COL11A1: variants seen among roughly 807,000 people sequenced by gnomAD.
COL11A1 encodes the protein collagen type XI alpha 1 chain.
A neutral mutation model predicts 265.2 loss-of-function variants in COL11A1; 74 were observed. That is an observed-to-expected ratio of 0.28 (90% confidence interval 0.23 to 0.34). COL11A1 has a LOEUF of 0.34. Ranked by LOEUF, COL11A1 falls within the 10% of genes least tolerant of loss-of-function variation. The pLI is 1.00. For synonymous variants in COL11A1, 816 were observed against 727.6 expected (o/e 1.12, Z -1.96); for missense variants, 2,165 against 2,263.6 (o/e 0.96, Z 0.88).
chr1:102,905,531 A>T (rs1653876306), intron 54 of COL11A1, among the ~76,000 whole-genome samples: 1 of 146,936 alleles, frequency 6.8e-6, no homozygotes, highest in Non-Finnish European at 1.5e-5. Flanking sequence ...AAAAAAAAAA[A>T]GTGCTGGGAT....
At chr1:103,069,677 A>T (rs911105170) in intron 4 of COL11A1, among the ~76,000 whole-genome samples, 1 of 151,986 alleles carries the variant, frequency 6.6e-6, no homozygotes, top group Admixed American at 6.6e-5. Context: ...TATGCAGGAT[A>T]AAGTTTTATA....
At chr1:102,940,075 C>G (rs2101299634) in intron 43 of COL11A1, among the ~76,000 whole-genome samples, 1 of 152,208 alleles carries the variant, frequency 6.6e-6, no homozygotes, top group East Asian at 1.9e-4. Context: ...ATTTTGGCAT[C>G]TACTAGTTTT....
intron 38 of COL11A1, 88 bp downstream of exon 38, chr1:102,965,399 T>A: frequency 8.2e-7 from 1 of 1,217,856 alleles, no homozygotes; most frequent in Admixed American, 1.8e-5. Flanking sequence ...TGAATCATAA[T>A]AAATTTAGAA....
chr1:102,931,838 A>G (rs1657486684), intron 46 of COL11A1, among the ~76,000 whole-genome samples: 1 of 151,268 alleles, frequency 6.6e-6, no homozygotes, highest in Admixed American at 6.6e-5. Context: ...TCCCTTTAGC[A>G]TTATGTAATG....
chr1:102,962,532 A>T, intron 39 of COL11A1, 121 bp downstream of exon 39: 1 of 915,884 alleles, frequency 1.1e-6, no homozygotes, highest in Non-Finnish European at 1.8e-6. Flanking sequence ...AACGCACATT[A>T]AATATTTTCC....
chr1:102,898,759 T>C lies in COL11A1; in HGVS notation c.4155A>G (p.Ala1385=). 1 of 1,613,250 alleles carries C rather than the reference T, an allele frequency of 6.2e-7. No homozygotes were observed. The highest frequency in any genetic ancestry group is 1.3e-5 in the African/African-American group (1 of 74,996). ...GEKGAKGEAG[A]EGPPGKTGPV... ...GGCCGGTTTTTCCAGGAGGACCTTC[T>C]GCACCTGCTTCCCCCTGTTAGAAAG... The change falls in exon 56 of 67, where the codon GCA becomes GCG. Residue 1385 remains alanine (A), a synonymous_variant. Transcript: ENST00000370096.
At chr1:102,949,081 AAGTC>A (rs1468249714) in intron 41 of COL11A1, among the ~76,000 whole-genome samples, 2 of 152,038 alleles carry the variant, frequency 1.3e-5, no homozygotes, top group South Asian at 2.1e-4. Flanking sequence ...GAAAAGAAAA[AAGTC>A]AGTAATAAAA....
chr1:102,905,944 T>G (rs1288513814), intron 54 of COL11A1, among the ~76,000 whole-genome samples: 1 of 152,134 alleles, frequency 6.6e-6, no homozygotes, highest in Non-Finnish European at 1.5e-5. Flanking sequence ...TACCATGAAT[T>G]TATTGCTAAC....
Position 103,006,357 on chromosome 1 carries a change from T to G in COL11A1, c.1684-42A>C, listed in dbSNP as rs1435601139. ...TAATTAAACCATATTATAGAATTCT[T>G]GATCAATAAACTCAATAGCATCAAG... On this transcript the variant is annotated intron_variant, in intron 15 of 66. Coordinates refer to ENST00000370096, the MANE Select transcript of COL11A1 (RefSeq NM_001854.4). 3.3e-6 allele frequency: 5 copies of G among 1,524,050 alleles called. No individual in the cohort carries two copies. In the South Asian group the frequency reaches 5.7e-5, roughly 17 times the overall value. The allele number at this position is 1,524,050 out of a possible 1,614,324, so 94.4% of individuals were successfully genotyped here.
In COL11A1 at chr1:102,935,029, T is replaced by G. The variant is rs779528193; in HGVS notation, c.3492+31A>C. The stretch of plus-strand genomic sequence containing the variant: ...AATTTAATCAGGGAGCTGTAAGGAT[T>G]TAGATTTGCTGAACAATGTGGAATA... On this transcript the variant is annotated intron_variant, in intron 45 of 66. Coordinates refer to ENST00000370096, the MANE Select transcript of COL11A1 (RefSeq NM_001854.4). The G allele has an allele frequency of 9.3e-6, 15 of 1,609,974 alleles. No homozygotes were observed. The East Asian group carries it at 3.3e-4, about 36-fold the overall frequency.
rs544168118 is a variant in COL11A1, at chr1:103,092,981, C to A, written c.107-10009G>T. Among the ~76,000 whole-genome samples the A allele has an allele frequency of 9.5e-5, 14 of 148,074 alleles. No homozygotes were observed. In the East Asian group the frequency reaches 1.8e-3, roughly 19 times the overall value. On this transcript the variant is annotated intron_variant, in intron 1 of 66. Transcript: ENST00000370096. ...GATCATTGTTCCAAAAACAAACAAA[C>A]AAAAAAAAACAGAAAAAGACAAAAG... is the stretch of plus-strand genomic sequence containing the variant.
intron 24 of COL11A1, among the ~76,000 whole-genome samples, 154 bp from the exon 25 acceptor site, chr1:102,998,517 G>T (rs1336005236): frequency 4.6e-5 from 7 of 151,816 alleles, no homozygotes; most frequent in African/African-American, 1.7e-4. Context: ...TTATTTGGAG[G>T]AAATGCCATG....
intron 6 of COL11A1, chr1:103,025,888 T>C (rs1218907460): frequency 1.2e-6 from 2 of 1,613,340 alleles, no homozygotes; most frequent in Non-Finnish European, 1.7e-6. Context: ...TGTAAACTTT[T>C]TGGATTTTTC....
intron 28 of COL11A1, among the ~76,000 whole-genome samples, chr1:102,993,561 A>T (rs1439709354): frequency 1.3e-5 from 2 of 152,002 alleles, no homozygotes; most frequent in East Asian, 3.9e-4. Context: ...TTTTTTTGAC[A>T]GGGTCTCAGT....
chr1:103,019,688 C>G (rs1172686299), intron 9 of COL11A1, among the ~76,000 whole-genome samples: 1 of 151,252 alleles, frequency 6.6e-6, no homozygotes, highest in African/African-American at 2.4e-5. Flanking sequence ...GCTGCATCCA[C>G]TAACTCGTCA....
chr1:102,898,999 A>G lies in COL11A1; in HGVS notation c.4087-5T>C. On this transcript the variant is annotated splice_region_variant and splice_polypyrimidine_tract_variant and intron_variant, in intron 54 of 66. Coordinates refer to ENST00000370096, the MANE Select transcript of COL11A1 (RefSeq NM_001854.4). ...ACCTGCAGCTCCAGGAGGACCCTAT[A>G]GACATAAGATTTATTGTAAAATATG... 1 of 1,527,672 alleles carries G rather than the reference A, an allele frequency of 6.5e-7. No homozygotes were observed. Among genetic ancestry groups the G allele is most frequent in the Non-Finnish European group, 8.9e-7 (1 of 1,126,622 alleles). The allele number at this position is 1,527,672 out of a possible 1,614,324, so 94.6% of individuals were successfully genotyped here. A position where few individuals can be genotyped will look rare whatever the true frequency, so the allele number is the denominator to read the frequency against.
chr1:102,949,286 C>A (rs936802932), intron 41 of COL11A1, among the ~76,000 whole-genome samples: 6 of 150,524 alleles, frequency 4.0e-5, no homozygotes, highest in African/African-American at 1.5e-4. Context: ...CACTTCTAAC[C>A]CTCACAAAAT....
chr1:102,922,419 C>T (rs1212630655), intron 47 of COL11A1, among the ~76,000 whole-genome samples: 2 of 152,090 alleles, frequency 1.3e-5, no homozygotes, highest in African/African-American at 2.4e-5. Flanking sequence ...TTTTCTGAGA[C>T]GGAGTCTTGC....
chr1:102,890,327 T>A (rs1651586068), intron 58 of COL11A1, 124 bp downstream of exon 58: 2 of 876,972 alleles, frequency 2.3e-6, no homozygotes, highest in Admixed American at 5.4e-5. Context: ...ATTGAAGCTT[T>A]TTTCAGGGTT....
Sources: allele counts gnomAD v4.1 joint callset (sites outside exome capture counted in the v4.1 genomes callset), GRCh38; gene constraint gnomAD v4.1.1; transcripts MANE v1.5; gene names NCBI Gene and HGNC (gene_info 2026-07-23, HGNC 2026-07-21).